Variants in MBOAT1 observed in about 807,000 individuals in gnomAD.
The protein encoded by MBOAT1 is membrane bound glycerophospholipid O-acyltransferase 1.
A neutral mutation model predicts 64.4 loss-of-function variants in MBOAT1; 67 were observed. The observed-to-expected ratio is 1.04, with a 90% CI of 0.85 to 1.27. The LOEUF (loss-of-function observed/expected upper bound fraction) is 1.27, where lower values mean the gene tolerates loss of function less well. Among genes scored for constraint, MBOAT1 ranks in the 50% most tolerant of loss-of-function variants. The pLI is 0.00. For synonymous variants in MBOAT1, 229 were observed against 218.9 expected, an observed-to-expected ratio of 1.05 and a Z score of -0.41; for missense variants, 563 against 604.6, an observed-to-expected ratio of 0.93 and a Z score of 0.72.
At chr6:20,195,361 C>T (rs940120598) in intron 1 of MBOAT1, among the ~76,000 whole-genome samples, 2 of 152,184 alleles carry the variant, frequency 1.3e-5, no homozygotes, top group Middle Eastern at 3.2e-3. Flanking sequence ...CTCCTATGTC[C>T]ATTTGACATA....
chr6:20,102,137 AAAAAAAAAT>A lies in MBOAT1; in HGVS notation c.*140_*148del. On this transcript the variant is annotated 3_prime_UTR_variant, in exon 13 of 13. Transcript: ENST00000324607. Reference sequence around the variant, plus strand: ...CTCAAAAAAAAAAAAAAAAAAAAAAAAAAAAAAATACTCCCTGCACTTTAAAAAAGAACA... The same window carrying A: ...CTCAAAAAAAAAAAAAAAAAAAAAAAACTCCCTGCACTTTAAAAAAGAACA... 2 of 503,418 alleles carry A rather than the reference AAAAAAAAAT, an allele frequency of 4.0e-6. No homozygotes were observed. The highest frequency in any genetic ancestry group is 4.9e-5 in the East Asian group (1 of 20,396). The allele number at this position is 503,418 out of a possible 1,614,324, so 31.2% of individuals were successfully genotyped here.
At chr6:20,197,532 T>C (rs998414716) in intron 1 of MBOAT1, among the ~76,000 whole-genome samples, 1 of 152,186 alleles carries the variant, frequency 6.6e-6, no homozygotes, top group African/African-American at 2.4e-5. Context: ...ACTGTTCCTC[T>C]ATGCTCCCCT....
intron 5 of MBOAT1, 69 bp downstream of exon 5, chr6:20,131,075 T>C: frequency 1.5e-6 from 2 of 1,337,392 alleles, no homozygotes; most frequent in Non-Finnish European, 2.2e-6. Context: ...ACTGTGTACA[T>C]AGTATAAAAA....
intron 1 of MBOAT1, among the ~76,000 whole-genome samples, chr6:20,211,375 C>A (rs1728446127): frequency 6.6e-6 from 1 of 152,182 alleles, no homozygotes. Context: ...ACTAAGTATC[C>A]CGCAGATCTA....
intron 3 of MBOAT1, among the ~76,000 whole-genome samples, chr6:20,144,853 C>T (rs904728404): frequency 4.6e-5 from 7 of 152,200 alleles, no homozygotes; most frequent in Non-Finnish European, 1.0e-4. Flanking sequence ...CCTTCCTCCA[C>T]CTACCCCTCA....
At position 20,118,468 on chromosome 6, in the gene MBOAT1, A is replaced by G; in HGVS notation, c.980T>C (p.Leu327Pro). ...TTTCCAGATGTTTAGGTTCGAAAGC[A>G]GATCCCAACAGAAATTCCCATTCTT... The part of the protein sequence containing the change: ...VDKNGNFCWD[L>P]LSNLNIWKIE... Residue 327 changes from leucine (L) to proline (P), a missense_variant, in exon 9 of 13, where the codon CTG becomes CCG. Transcript: ENST00000324607. 1.2e-6 allele frequency: 2 copies of G among 1,614,076 alleles called. No homozygotes were observed. The highest frequency in any genetic ancestry group is 1.7e-6 in the Non-Finnish European group (2 of 1,179,996).
intron 8 of MBOAT1, among the ~76,000 whole-genome samples, chr6:20,122,841 T>G (rs1308133627): frequency 6.6e-6 from 1 of 151,556 alleles, no homozygotes; most frequent in Non-Finnish European, 1.5e-5. Context: ...AAAAAATTAT[T>G]TTTTTTTTGA....
At chr6:20,115,193 C>A in intron 10 of MBOAT1, 95 bp downstream of exon 10, 1 of 872,500 alleles carries the variant, frequency 1.1e-6, no homozygotes, top group Non-Finnish European at 1.9e-6. Context: ...TGTCAGATGA[C>A]ATTGCCACAG....
At chr6:20,110,869 T>C (rs1555004) in intron 11 of MBOAT1, among the ~76,000 whole-genome samples, 52,074 of 152,058 alleles carry the variant, frequency 0.34, 9,176 homozygotes, top group Non-Finnish European at 0.38. Flanking sequence ...TTATGTGATG[T>C]ATATCCTTGT....
At chr6:20,182,308 G>A (rs528290597) in intron 1 of MBOAT1, among the ~76,000 whole-genome samples, 6 of 152,200 alleles carry the variant, frequency 3.9e-5, no homozygotes, top group South Asian at 2.1e-4. Context: ...ATAGCAGAAC[G>A]GCCAAACAAG....
chr6:20,174,041 G>T (rs750396727), intron 1 of MBOAT1, among the ~76,000 whole-genome samples: 3 of 152,172 alleles, frequency 2.0e-5, no homozygotes, highest in Non-Finnish European at 2.9e-5. Context: ...GTAACAGTTG[G>T]TTCCTCACGA....
At position 20,212,179 on chromosome 6, in the gene MBOAT1, T is replaced by C. The variant is rs61737148; in HGVS notation, c.56A>G (p.Tyr19Cys). 0.03 allele frequency: 48,223 copies of C among 1,613,260 alleles called. 1,795 individuals carry two copies. The highest frequency in any genetic ancestry group is 0.19 in the African/African-American group (13,959 of 74,902). The change falls in exon 1 of 13, where the codon TAC (tyrosine) becomes TGC (cysteine). Residue 19 changes from tyrosine to cysteine, a missense_variant. Physicochemically the swap from Tyr to Cys is radical, Grantham distance 194. Transcript: ENST00000324607. The stretch of plus-strand genomic sequence containing the variant: ...CAGGAGCTCGCTGAGCGGGTGCAGG[T>C]AGGTGGAGCCCGTGGTGCGGTAGGA... Reference protein sequence around the residue: ...SLSYRTTGSTYLHPLSELLGI... With the variant: ...SLSYRTTGSTCLHPLSELLGI...
chr6:20,107,212 T>C lies in MBOAT1; in HGVS notation c.1361+2386A>G, dbSNP rs543775251. 1.1e-4 allele frequency among the ~76,000 whole-genome samples: 17 copies of C among 152,294 alleles called. No individual in the cohort carries two copies. The South Asian group carries it at 2.7e-3, about 24-fold the overall frequency. ...CTCATGCGACAAACAGGGACACTGA[T>C]ACCTACCCCACCGCTCTCCTCAGCT... is the stretch of plus-strand genomic sequence containing the variant. On this transcript the variant is annotated intron_variant, in intron 12 of 12. Transcript: ENST00000324607.
intron 1 of MBOAT1, among the ~76,000 whole-genome samples, chr6:20,187,016 T>C (rs1762673933): frequency 6.6e-6 from 1 of 152,234 alleles, no homozygotes; most frequent in Non-Finnish European, 1.5e-5. Flanking sequence ...AAAATAACCT[T>C]TTATGTTTAT....
intron 1 of MBOAT1, among the ~76,000 whole-genome samples, chr6:20,205,836 G>C (rs990377545): frequency 1.3e-5 from 2 of 152,100 alleles, no homozygotes; most frequent in Non-Finnish European, 2.9e-5. Context: ...GCAGCTCCAG[G>C]AGGGACTGCA....
intron 1 of MBOAT1, among the ~76,000 whole-genome samples, chr6:20,210,466 G>T (rs73729932): frequency 0.03 from 4,615 of 152,066 alleles, 239 homozygotes; most frequent in African/African-American, 0.1. Context: ...TTCCACCAAG[G>T]GTCATCCACA....
rs144728033 is a variant in MBOAT1, at chr6:20,170,451, G to A, written c.100-17682C>T. 9.3e-4 allele frequency among the ~76,000 whole-genome samples: 141 copies of A among 152,226 alleles called. No homozygotes were observed. In the Middle Eastern group the frequency reaches 0.014, roughly 15 times the overall value. On this transcript the variant is annotated intron_variant, in intron 1 of 12. Coordinates refer to ENST00000324607, the MANE Select transcript of MBOAT1 (RefSeq NM_001080480.3). ...GTTGTTCAACAAGCCAGCTGTTCAG[G>A]CCAGAAACTAGAGTTGTATCTCCCT...
intron 4 of MBOAT1, among the ~76,000 whole-genome samples, chr6:20,137,610 A>G (rs4712455): frequency 0.064 from 9,717 of 152,228 alleles, 404 homozygotes; most frequent in Admixed American, 0.13. Context: ...TTCCCTTACC[A>G]TTAATTCCAG....
chr6:20,208,571 G>A (rs946464589), intron 1 of MBOAT1, among the ~76,000 whole-genome samples: 1 of 152,018 alleles, frequency 6.6e-6, no homozygotes, highest in Non-Finnish European at 1.5e-5. Flanking sequence ...CTTGTAAATG[G>A]TGACACAAGC....
Sources: gnomAD v4.1 joint callset for allele counts (sites outside exome capture counted in the v4.1 genomes callset) on GRCh38, gnomAD v4.1.1 for gene constraint, MANE v1.5 for transcripts, NCBI Gene and HGNC (gene_info 2026-07-23, HGNC 2026-07-21) for gene names.